The following NLGN4X variants were observed in gnomAD, a reference collection of about 807,000 sequenced individuals.
The protein encoded by NLGN4X is neuroligin 4 X-linked.
A neutral mutation model predicts 40.3 loss-of-function variants in NLGN4X; 3 were observed. The ratio of observed to expected loss-of-function variants is 0.07; its 90% CI spans 0.03 to 0.19. The LOEUF (loss-of-function observed/expected upper bound fraction) is 0.19. Among genes scored for constraint, NLGN4X ranks in the 10% least tolerant of loss-of-function variants. NLGN4X has a pLI of 1.00. For synonymous variants in NLGN4X, 270 were observed against 306.8 expected, an observed-to-expected ratio of 0.88 and a Z score of 1.25; for missense variants, 382 against 708.3, an observed-to-expected ratio of 0.54 and a Z score of 5.23.
intron 2 of NLGN4X, among the ~76,000 whole-genome samples, chrX:6,063,447 G>A (rs1178167768): frequency 1.8e-5 from 2 of 111,958 alleles, no homozygotes; most frequent in East Asian, 5.6e-4. Flanking sequence ...ATTAAACACT[G>A]CACCCAGCCT....
In NLGN4X at chrX:6,007,232, T is replaced by A. The variant is rs73627040; in HGVS notation, c.625+22048A>T. On this transcript the variant is annotated intron_variant, in intron 3 of 5. Transcript: ENST00000381095. Reference sequence around the variant, plus strand: ...ATAACTCAGAAAGTCCAACACTGCATGTTTTTACTTATAAGTGGGAGCTAA... The same window carrying A: ...ATAACTCAGAAAGTCCAACACTGCAAGTTTTTACTTATAAGTGGGAGCTAA... Among the ~76,000 whole-genome samples the A allele has an allele frequency of 9.1e-3, 1,020 of 111,718 alleles. 11 individuals are homozygous for A. Among genetic ancestry groups the A allele is most frequent in the African/African-American group, 0.032 (969 of 30,736 alleles).
At chrX:6,064,077 T>G (rs2037840198) in intron 2 of NLGN4X, among the ~76,000 whole-genome samples, 1 of 111,774 alleles carries the variant, frequency 8.9e-6, no homozygotes, top group Non-Finnish European at 1.9e-5. Flanking sequence ...CATCTAACAA[T>G]TTGATAAACG....
intron 2 of NLGN4X, among the ~76,000 whole-genome samples, chrX:6,134,633 A>G (rs2039771971): frequency 8.9e-6 from 1 of 112,662 alleles, no homozygotes; most frequent in Non-Finnish European, 1.9e-5. Flanking sequence ...AAATGAATAA[A>G]CTACATGTTT....
At chrX:5,911,947 C>T (rs1405669519) in intron 3 of NLGN4X, among the ~76,000 whole-genome samples, 5 of 111,807 alleles carry the variant, frequency 4.5e-5, no homozygotes, top group African/African-American at 9.8e-5. Context: ...AATGAAAGGC[C>T]ACCAGGTTAA....
intron 2 of NLGN4X, among the ~76,000 whole-genome samples, chrX:6,046,866 CAT>C (rs72199592): frequency 0.46 from 49,276 of 106,521 alleles, 8,406 homozygotes; most frequent in Middle Eastern, 0.64. Flanking sequence ...TATATATACA[CAT>C]GTCTGTATAC....
At chrX:6,026,442 TA>T (rs1377614547) in intron 3 of NLGN4X, among the ~76,000 whole-genome samples, 3 of 112,052 alleles carry the variant, frequency 2.7e-5, no homozygotes, top group Non-Finnish European at 5.6e-5. Context: ...ATCATCTTTT[TA>T]AATATCTGGA....
In NLGN4X at chrX:6,062,085, C is replaced by T. The variant is rs573003781; in HGVS notation, c.473-32653G>A. ...TGACATCCATCTCCTTATGGGATAT[C>T]TTCCGTTTGATGTCTCATAGACATT... is the stretch of plus-strand genomic sequence containing the variant. On this transcript the variant is annotated intron_variant, in intron 2 of 5. Transcript: ENST00000381095. 5.2e-4 allele frequency among the ~76,000 whole-genome samples: 58 copies of T among 111,634 alleles called. 1 individual carries two copies. In the South Asian group the frequency reaches 0.02, roughly 38 times the overall value.
chrX:5,893,042 C>T lies in NLGN4X; in HGVS notation c.2226G>A (p.Glu742=), dbSNP rs141662515. The part of the protein sequence containing the change: ...LQMKQLEHDH[E]CESLQAHDTL... ...TGTCGTGTGCCTGCAGCGACTCACACTCGTGATCGTGTTCCAGCTGCTTCA... is the reference window on the plus strand; with the variant it reads ...TGTCGTGTGCCTGCAGCGACTCACATTCGTGATCGTGTTCCAGCTGCTTCA... Residue 742 remains glutamate (E), a synonymous_variant, in exon 6 of 6, where the codon GAG becomes GAA. Transcript: ENST00000381095. 3.5e-4 allele frequency: 423 copies of T among 1,209,119 alleles called. No homozygotes were observed. Among genetic ancestry groups the T allele is most frequent in the Non-Finnish European group, 4.7e-4 (417 of 895,109 alleles).
intron 1 of NLGN4X, among the ~76,000 whole-genome samples, chrX:6,225,681 CTTTTTTTCTTTTTTTTTTTTTTTTTTTTT>C (rs1926177589): frequency 3.0e-5 from 1 of 33,810 alleles, no homozygotes; most frequent in Non-Finnish European, 5.0e-5. Context: ...TTTTTTCTTT[CTTTTTTTCTTTTTTTTTTTTTTTTTTTTT>C]TTTTTTTTTT....
intron 2 of NLGN4X, among the ~76,000 whole-genome samples, chrX:6,040,702 T>C (rs2037133706): frequency 8.9e-6 from 1 of 112,210 alleles, no homozygotes; most frequent in Non-Finnish European, 1.9e-5. Flanking sequence ...AAGTTTTATA[T>C]CTGCTAGATT....
At chrX:6,047,306 A>G (rs764045502) in intron 2 of NLGN4X, among the ~76,000 whole-genome samples, 2 of 110,850 alleles carry the variant, frequency 1.8e-5, no homozygotes, top group East Asian at 5.7e-4. Context: ...GGTAAAACCC[A>G]GTATCTACTA....
intron 1 of NLGN4X, among the ~76,000 whole-genome samples, chrX:6,192,900 GGTTCTTAGGGT>G (rs1277303036): frequency 1.8e-5 from 2 of 111,534 alleles, no homozygotes; most frequent in African/African-American, 6.5e-5. Flanking sequence ...GGAAGGATGA[GGTTCTTAGGGT>G]TACAATGAAT....
intron 1 of NLGN4X, among the ~76,000 whole-genome samples, chrX:6,205,218 T>C (rs1358449698): frequency 8.9e-6 from 1 of 112,316 alleles, no homozygotes. Flanking sequence ...CCCATGCCCA[T>C]TGGCTGTGCC....
At chrX:6,226,297 G>A (rs1336175899) in intron 1 of NLGN4X, among the ~76,000 whole-genome samples, 2 of 107,743 alleles carry the variant, frequency 1.9e-5, no homozygotes, top group African/African-American at 3.4e-5. Flanking sequence ...GAGGAAGAAG[G>A]CAGAGAAAAA....
At chrX:6,084,871 G>A (rs2038458409) in intron 2 of NLGN4X, among the ~76,000 whole-genome samples, 1 of 110,556 alleles carries the variant, frequency 9.0e-6, no homozygotes. Flanking sequence ...CTGGAACTAG[G>A]AGAAATAAAT....
chrX:6,210,533 C>T (rs940804946), intron 1 of NLGN4X, among the ~76,000 whole-genome samples: 2 of 111,698 alleles, frequency 1.8e-5, no homozygotes, highest in Non-Finnish European at 3.8e-5. Context: ...AAAGAGCTGT[C>T]ACGTAGCTGG....
chrX:6,035,152 G>C (rs1342156798), intron 2 of NLGN4X, among the ~76,000 whole-genome samples: 4 of 111,914 alleles, frequency 3.6e-5, no homozygotes, highest in Non-Finnish European at 7.5e-5. Context: ...TTATTGAATA[G>C]TAAGTGGTTT....
chrX:5,930,450 C>T (rs1174229039), intron 3 of NLGN4X, among the ~76,000 whole-genome samples: 1 of 111,651 alleles, frequency 9.0e-6, no homozygotes, highest in Non-Finnish European at 1.9e-5. Context: ...GGGGATGGAC[C>T]CCAGAATGTG....
At chrX:6,082,948 G>GTTTTTTTTTTTTTTTTTTTTTTTTT (rs930625574) in intron 2 of NLGN4X, among the ~76,000 whole-genome samples, 1 of 70,377 alleles carries the variant, frequency 1.4e-5, no homozygotes, top group African/African-American at 4.8e-5. Flanking sequence ...GCCATGATGC[G>GTTTTTTTTTTTTTTTTTTTTTTTTT]TTTTTTTCTT....
Sources: allele counts gnomAD v4.1 joint callset (sites outside exome capture counted in the v4.1 genomes callset), GRCh38; gene constraint gnomAD v4.1.1; transcripts MANE v1.5; gene names NCBI Gene and HGNC (gene_info 2026-07-23, HGNC 2026-07-21).